Variants in SPATA22 observed in about 807,000 individuals in gnomAD.
The protein encoded by SPATA22 is spermatogenesis-associated protein 22.
In SPATA22, 29 loss-of-function variants were observed where a neutral mutation model predicts 47.8. That is an observed-to-expected ratio of 0.61 (90% CI 0.45 to 0.83). SPATA22 has a LOEUF of 0.83. Ranked by LOEUF, SPATA22 falls within the 40% of genes least tolerant of loss-of-function variation. SPATA22 has a pLI of 0.00. For synonymous variants in SPATA22, 133 were observed against 140.9 expected, an observed-to-expected ratio of 0.94 and a Z score of 0.40; for missense variants, 410 against 421.7, an observed-to-expected ratio of 0.97 and a Z score of 0.24.
At chr17:3,489,877 C>CA (rs1466117558) in intron 1 of SPATA22, among the ~76,000 whole-genome samples, 4 of 152,166 alleles carry the variant, frequency 2.6e-5, no homozygotes, top group Admixed American at 6.5e-5. Context: ...AACACAAGCA[C>CA]AAGCAACATG....
chr17:3,465,777 A>G (rs2073291079), intron 3 of SPATA22, among the ~76,000 whole-genome samples: 3 of 133,318 alleles, frequency 2.3e-5, no homozygotes, highest in Non-Finnish European at 3.4e-5. Flanking sequence ...AATGATCAAT[A>G]AAAATAAAAA....
At chr17:3,447,887 A>C (rs775503424) in intron 6 of SPATA22, among the ~76,000 whole-genome samples, 12 of 152,216 alleles carry the variant, frequency 7.9e-5, no homozygotes, top group Non-Finnish European at 1.8e-4. Context: ...AAAGCCAGCA[A>C]GTAAACAATC....
upstream of SPATA22, among the ~76,000 whole-genome samples, chr17:3,472,727 G>T (rs570694451): frequency 6.6e-6 from 1 of 152,184 alleles, no homozygotes; most frequent in African/African-American, 2.4e-5. Flanking sequence ...ACTGGGATAG[G>T]GAAGGGCTTA....
intron 5 of SPATA22, among the ~76,000 whole-genome samples, chr17:3,458,734 G>C (rs913943388): frequency 6.6e-6 from 1 of 151,596 alleles, no homozygotes; most frequent in Non-Finnish European, 1.5e-5. Flanking sequence ...CCAGTTACTC[G>C]AGAGGCTGAG....
chr17:3,482,931 C>T (rs150514242), intron 1 of SPATA22, among the ~76,000 whole-genome samples: 2,379 of 105,596 alleles, frequency 0.023, 91 homozygotes, highest in African/African-American at 0.079. Flanking sequence ...CTAATGCTAT[C>T]CCTCCCCCCT....
chr17:3,471,590 G>A, intron 1 of SPATA22, 92 bp downstream of exon 1: 1 of 985,240 alleles, frequency 1.0e-6, no homozygotes, highest in Non-Finnish European at 1.2e-6. Context: ...GACCGCGGTG[G>A]GAGAGAAGAG....
chr17:3,465,790 T>TAAAAAACAA (rs1555536630), intron 3 of SPATA22, among the ~76,000 whole-genome samples: 36 of 147,622 alleles, frequency 2.4e-4, no homozygotes, highest in Admixed American at 2.1e-3. Context: ...AATAAAAATT[T>TAAAAAACAA]AAAAAACAAA....
intron 3 of SPATA22, among the ~76,000 whole-genome samples, chr17:3,465,525 T>C (rs1166087986): frequency 6.6e-6 from 1 of 151,768 alleles, no homozygotes; most frequent in Non-Finnish European, 1.5e-5. Context: ...CCACTCAGGG[T>C]TAAATGGATT....
intron 1 of SPATA22, chr17:3,499,259 A>T: frequency 3.5e-6 from 2 of 564,102 alleles, no homozygotes; most frequent in Non-Finnish European, 3.0e-6. Context: ...ATCTTTAAAG[A>T]TATCATATTT....
intron 5 of SPATA22, among the ~76,000 whole-genome samples, chr17:3,461,811 GTGT>G (rs2073131845): frequency 6.6e-6 from 1 of 152,090 alleles, no homozygotes; most frequent in African/African-American, 2.4e-5. Flanking sequence ...GACTGATTTG[GTGT>G]TGTTTTCCCA....
intron 1 of SPATA22, among the ~76,000 whole-genome samples, chr17:3,478,885 G>C (rs570788041): frequency 6.6e-6 from 1 of 151,950 alleles, no homozygotes; most frequent in Non-Finnish European, 1.5e-5. Flanking sequence ...ACGTCTAGTG[G>C]GTCACTAAGT....
At chr17:3,448,683 T>C in intron 6 of SPATA22, 124 bp downstream of exon 6, 2 of 690,394 alleles carry the variant, frequency 2.9e-6, no homozygotes, top group Non-Finnish European at 4.6e-6. Flanking sequence ...TGAATATTTA[T>C]GCTAATCAAG....
upstream of SPATA22, chr17:3,476,341 G>A: frequency 1.2e-6 from 2 of 1,614,162 alleles, no homozygotes; most frequent in Non-Finnish European, 1.7e-6. Flanking sequence ...GTGAAGAAGT[G>A]TACCAGATAT....
At position 3,448,841 on chromosome 17, in the gene SPATA22, A is replaced by G. The variant is rs1245299373; in HGVS notation, c.638T>C (p.Met213Thr). The change falls in exon 6 of 9, where the codon ATG (methionine) becomes ACG (threonine). Residue 213 changes from methionine to threonine, a missense_variant. Coordinates refer to ENST00000572969, the MANE Select transcript of SPATA22 (RefSeq NM_001170698.2). ...GTTGTCTTCTGGAATATCATCCAAC[A>G]TTTGTTTCTTATATTGATTTTGTTG... ...NFQQNQYKKQ[M>T]LDDIPEDNTL... is the part of the protein sequence containing the mutation. 1.9e-6 allele frequency: 3 copies of G among 1,610,934 alleles called. No homozygotes were observed. The highest frequency in any genetic ancestry group is 2.2e-5 in the East Asian group (1 of 44,814).
At chr17:3,461,634 T>G (rs1424181782) in intron 5 of SPATA22, among the ~76,000 whole-genome samples, 1 of 152,160 alleles carries the variant, frequency 6.6e-6, no homozygotes, top group African/African-American at 2.4e-5. Context: ...AAATCAAAAC[T>G]AATTTTTAAA....
chr17:3,464,971 G>A (rs2073253507), intron 3 of SPATA22, among the ~76,000 whole-genome samples: 1 of 110,988 alleles, frequency 9.0e-6, no homozygotes, highest in African/African-American at 2.7e-5. Context: ...CTACTGGGAA[G>A]TGAGGAGCCC....
intron 3 of SPATA22, among the ~76,000 whole-genome samples, chr17:3,464,780 CCGG>C (rs1263451087): frequency 1.3e-4 from 18 of 136,060 alleles, no homozygotes; most frequent in African/African-American, 4.8e-4. Flanking sequence ...GCCCCTCCGC[CCGG>C]CAGCCGCCCC....
chr17:3,464,378 G>A (rs1202649672), intron 3 of SPATA22, among the ~76,000 whole-genome samples: 1 of 149,792 alleles, frequency 6.7e-6, no homozygotes, highest in Non-Finnish European at 1.5e-5. Context: ...AGTGCCCAGA[G>A]TGCAGCCTCT....
chr17:3,496,576 G>C (rs756078422), intron 1 of SPATA22, among the ~76,000 whole-genome samples: 2 of 152,102 alleles, frequency 1.3e-5, no homozygotes, highest in Non-Finnish European at 2.9e-5. Flanking sequence ...AGCAGAGGAC[G>C]GTAGAGCCTG....
Sources: gnomAD v4.1 joint callset for allele counts (sites outside exome capture counted in the v4.1 genomes callset) on GRCh38, gnomAD v4.1.1 for gene constraint, MANE v1.5 for transcripts, NCBI Gene and HGNC (gene_info 2026-07-23, HGNC 2026-07-21) for gene names.